Variants in EIF4G3 observed in about 807,000 individuals in gnomAD.
EIF4G3 encodes the protein eukaryotic translation initiation factor 4 gamma 3, also known as eIF-4-gamma 3.
Under a neutral mutation model 186.4 loss-of-function variants are expected in EIF4G3, and 34 were observed. That is an observed-to-expected ratio of 0.18 (90% CI 0.14 to 0.24). The LOEUF (loss-of-function observed/expected upper bound fraction) is 0.24, where lower values mean the gene tolerates loss of function less well. Among genes scored for constraint, EIF4G3 ranks in the 10% least tolerant of loss-of-function variants. The pLI is 1.00. For synonymous variants in EIF4G3, 673 were observed against 679.5 expected (o/e 0.99, Z 0.15); for missense variants, 1,536 against 1,948.5 (o/e 0.79, Z 3.99).
At chr1:21,071,424 C>T (rs1214211361) in intron 3 of EIF4G3, among the ~76,000 whole-genome samples, 1 of 152,072 alleles carries the variant, frequency 6.6e-6, no homozygotes, top group Non-Finnish European at 1.5e-5. Flanking sequence ...TCCAAAAAAC[C>T]AAAGAGAAAC....
intron 3 of EIF4G3, among the ~76,000 whole-genome samples, chr1:21,072,708 AT>A (rs2095480482): frequency 6.6e-6 from 1 of 152,176 alleles, no homozygotes; most frequent in Non-Finnish European, 1.5e-5. Context: ...AGCCTTTAAT[AT>A]TTTTTAAAAA....
chr1:20,846,799 C>T (rs1023600846), intron 29 of EIF4G3, among the ~76,000 whole-genome samples: 3 of 152,180 alleles, frequency 2.0e-5, no homozygotes, highest in African/African-American at 7.2e-5. Context: ...CTGCCACTTA[C>T]TACTTTAGAG....
chr1:20,895,619 G>T, intron 16 of EIF4G3, 118 bp from the exon 17 acceptor site: 1 of 1,100,050 alleles, frequency 9.1e-7, no homozygotes, highest in Non-Finnish European at 1.3e-6. Context: ...CAACATTATA[G>T]CCCATAAGGC....
intron 36 of EIF4G3, among the ~76,000 whole-genome samples, chr1:20,809,862 A>G (rs1350467112): frequency 6.6e-6 from 1 of 152,268 alleles, no homozygotes; most frequent in Admixed American, 6.5e-5. Flanking sequence ...GTATGGATAT[A>G]TACTACCATC....
At chr1:21,158,875 T>C (rs1396742654) in intron 2 of EIF4G3, among the ~76,000 whole-genome samples, 2 of 152,040 alleles carry the variant, frequency 1.3e-5, no homozygotes, top group Non-Finnish European at 2.9e-5. Context: ...GAAATACCTA[T>C]ATTTTCTCGC....
At chr1:20,939,825 CACACCA>C (rs1269384057) in intron 14 of EIF4G3, among the ~76,000 whole-genome samples, 1 of 151,022 alleles carries the variant, frequency 6.6e-6, no homozygotes, top group Non-Finnish European at 1.5e-5. Context: ...TACCTACAGC[CACACCA>C]ACACCAAGTT....
intron 33 of EIF4G3, among the ~76,000 whole-genome samples, chr1:20,819,455 T>G (rs1239920037): frequency 6.6e-6 from 1 of 151,160 alleles, no homozygotes; most frequent in African/African-American, 2.4e-5. Flanking sequence ...ATTTATTTAT[T>G]TATTTATTTA....
intron 14 of EIF4G3, among the ~76,000 whole-genome samples, chr1:20,929,077 G>A (rs1282982180): frequency 4.6e-5 from 7 of 152,094 alleles, no homozygotes; most frequent in Admixed American, 4.6e-4. Context: ...ATCATGGTCC[G>A]ATATTTCATG....
At chr1:21,083,319 A>T (rs1250125465) in intron 3 of EIF4G3, among the ~76,000 whole-genome samples, 1 of 152,126 alleles carries the variant, frequency 6.6e-6, no homozygotes. Flanking sequence ...CTTCCAGAAT[A>T]GGCATAAAAC....
intron 29 of EIF4G3, among the ~76,000 whole-genome samples, chr1:20,842,146 TATA>T (rs773554769): frequency 1.8e-4 from 28 of 152,356 alleles, no homozygotes; most frequent in African/African-American, 6.3e-4. Context: ...AGAGATTTAC[TATA>T]ATGTCAATAA....
At position 20,912,403 on chromosome 1, in the gene EIF4G3, CTAAG is replaced by C. The variant is rs577799911; in HGVS notation, c.1664-7436_1664-7433del. ...TGAAGATCTTGTGGCCACATAACGG[CTAAG>C]TAAGAGACTCTGAATTACAAAAAAG... is the stretch of plus-strand genomic sequence containing the variant. On this transcript the variant is annotated intron_variant, in intron 14 of 36. Transcript: ENST00000602326. Among the ~76,000 whole-genome samples the C allele has an allele frequency of 2.3e-3, 346 of 148,502 alleles. 7 individuals are homozygous for C. Among genetic ancestry groups the C allele is most frequent in the Admixed American group, 0.019 (277 of 14,526 alleles).
At chr1:21,084,748 CAG>C (rs1458592036) in intron 3 of EIF4G3, among the ~76,000 whole-genome samples, 1 of 151,886 alleles carries the variant, frequency 6.6e-6, no homozygotes, top group Non-Finnish European at 1.5e-5. Context: ...GCCACCTTTT[CAG>C]AGAGACTTTC....
intron 2 of EIF4G3, among the ~76,000 whole-genome samples, chr1:21,117,763 T>TAAAAAAAAAAAAAAAAAAAAAAAAAAA (rs757506833): frequency 1.6e-3 from 175 of 107,510 alleles, no homozygotes; most frequent in East Asian, 4.1e-3. Flanking sequence ...AAAAAAAAAT[T>TAAAAAAAAAAAAAAAAAAAAAAAAAAA]AAAAGCAGAA....
At chr1:20,900,924 A>T (rs1163377708) in intron 15 of EIF4G3, among the ~76,000 whole-genome samples, 2 of 152,160 alleles carry the variant, frequency 1.3e-5, no homozygotes, top group African/African-American at 2.4e-5. Context: ...AGTGACAAAT[A>T]CTTCTTTGTT....
chr1:21,054,033 G>A (rs1383453859), intron 3 of EIF4G3, among the ~76,000 whole-genome samples: 2 of 152,220 alleles, frequency 1.3e-5, no homozygotes, highest in Non-Finnish European at 2.9e-5. Flanking sequence ...AGAAAGGGGG[G>A]AAAGGTGGGG....
intron 20 of EIF4G3, among the ~76,000 whole-genome samples, chr1:20,877,144 C>T (rs976261834): frequency 1.3e-5 from 2 of 152,176 alleles, no homozygotes; most frequent in Non-Finnish European, 2.9e-5. Flanking sequence ...ACTACCTAAA[C>T]ACCACTTAAC....
intron 20 of EIF4G3, among the ~76,000 whole-genome samples, chr1:20,873,755 AG>A (rs1362232084): frequency 1.1e-4 from 16 of 146,678 alleles, no homozygotes. Context: ...ATACAGGTGC[AG>A]GATGTGCAGG....
Position 20,900,537 on chromosome 1 carries a change from A to AG in EIF4G3, c.1753-595_1753-594insC, listed in dbSNP as rs201762577. Among the ~76,000 whole-genome samples, 751 of 148,808 alleles carry AG rather than the reference A, an allele frequency of 5.0e-3. 6 individuals are homozygous for AG. The highest frequency in any genetic ancestry group is 0.018 in the African/African-American group (707 of 40,394). On this transcript the variant is annotated intron_variant, in intron 15 of 36. Coordinates refer to ENST00000602326, the MANE Select transcript of EIF4G3 (RefSeq NM_001391906.1). ...TAAAAAAAAAAAAAGAGAGAGAGAG[A>AG]AAAAAAAAAGAGAAATCTGGGTTAT...
In EIF4G3 at chr1:20,813,262, CAATT is replaced by C. The variant is rs748836563; in HGVS notation, c.4516-27_4516-24del. The C allele has an allele frequency of 1.3e-5, 20 of 1,581,008 alleles. 2 individuals carry two copies. In the South Asian group the frequency reaches 1.7e-4, roughly 13 times the overall value. On this transcript the variant is annotated intron_variant, in intron 34 of 36. Coordinates refer to ENST00000602326, the MANE Select transcript of EIF4G3 (RefSeq NM_001391906.1). ...AGCCTGAAGTCAAAAAGAAATAAAACAATTAAAGATACCTTGCTCAGCCAGGCAC... is the reference window on the plus strand; with the variant it reads ...AGCCTGAAGTCAAAAAGAAATAAAACAAAGATACCTTGCTCAGCCAGGCAC...
Sources: allele counts gnomAD v4.1 joint callset (sites outside exome capture counted in the v4.1 genomes callset), GRCh38; gene constraint gnomAD v4.1.1; transcripts MANE v1.5; gene names NCBI Gene and HGNC (gene_info 2026-07-23, HGNC 2026-07-21).